Variants in CNTNAP2 observed in about 807,000 individuals in gnomAD.
The protein encoded by CNTNAP2 is contactin-associated protein-like 2.
A neutral mutation model predicts 155.2 loss-of-function variants in CNTNAP2; 98 were observed. The ratio of observed to expected loss-of-function variants is 0.63; its 90% CI spans 0.54 to 0.75. The LOEUF (loss-of-function observed/expected upper bound fraction) is 0.75, where lower values mean the gene tolerates loss of function less well. Among genes scored for constraint, CNTNAP2 ranks in the 30% least tolerant of loss-of-function variants. The pLI is 0.00. For synonymous variants in CNTNAP2, 651 were observed against 631.2 expected (o/e 1.03, Z -0.47); for missense variants, 1,727 against 1,688.1 (o/e 1.02, Z -0.40).
At chr7:146,185,038 A>T (rs977555541) in intron 1 of CNTNAP2, among the ~76,000 whole-genome samples, 3 of 152,206 alleles carry the variant, frequency 2.0e-5, no homozygotes, top group Non-Finnish European at 2.9e-5. Flanking sequence ...AACATGGGAG[A>T]TATTTTGAAT....
chr7:146,227,428 CAAAAAAAAAAA>C (rs755623604), intron 1 of CNTNAP2, among the ~76,000 whole-genome samples: 1 of 58,722 alleles, frequency 1.7e-5, no homozygotes, highest in Non-Finnish European at 3.4e-5. Context: ...CTGTCTCAAA[CAAAAAAAAAAA>C]AAAAAAAAAA....
At chr7:146,310,275 C>G (rs1284937156) in intron 1 of CNTNAP2, among the ~76,000 whole-genome samples, 2 of 152,046 alleles carry the variant, frequency 1.3e-5, no homozygotes, top group East Asian at 1.9e-4. Context: ...ATGAAATTAC[C>G]TATCATTGTT....
intron 1 of CNTNAP2, among the ~76,000 whole-genome samples, chr7:146,597,225 A>G (rs1798875503): frequency 6.6e-6 from 1 of 152,072 alleles, no homozygotes; most frequent in Non-Finnish European, 1.5e-5. Flanking sequence ...GGCATAAATC[A>G]AAATCATAGA....
At chr7:147,674,030 G>A (rs760494961) in intron 13 of CNTNAP2, among the ~76,000 whole-genome samples, 6 of 152,034 alleles carry the variant, frequency 3.9e-5, no homozygotes, top group Admixed American at 6.6e-5. Context: ...TGGCTGTTTG[G>A]GAGAGGTGTA....
intron 21 of CNTNAP2, among the ~76,000 whole-genome samples, chr7:148,350,848 C>T (rs1001946790): frequency 6.6e-6 from 1 of 152,168 alleles, no homozygotes; most frequent in African/African-American, 2.4e-5. Context: ...CAGAAGAGTC[C>T]TCTGAACTGT....
At chr7:148,388,013 A>AG (rs1799255910) in intron 22 of CNTNAP2, among the ~76,000 whole-genome samples, 1 of 152,158 alleles carries the variant, frequency 6.6e-6, no homozygotes, top group Admixed American at 6.5e-5. Flanking sequence ...GTTACCCTAT[A>AG]GGGCCTAAAA....
chr7:147,738,650 C>CTTTTTTT (rs111611444), intron 13 of CNTNAP2, among the ~76,000 whole-genome samples: 1 of 57,544 alleles, frequency 1.7e-5, no homozygotes, highest in African/African-American at 6.5e-5. Flanking sequence ...GTAAACATAA[C>CTTTTTTT]TTTTTTTTTT....
intron 11 of CNTNAP2, among the ~76,000 whole-genome samples, chr7:147,516,955 G>C (rs954156157): frequency 1.3e-5 from 2 of 148,288 alleles, no homozygotes; most frequent in East Asian, 4.1e-4. Context: ...ACTGCCTCCC[G>C]GATTCAAGCG....
chr7:146,727,727 A>G (rs948397920), intron 1 of CNTNAP2, among the ~76,000 whole-genome samples: 4 of 152,224 alleles, frequency 2.6e-5, no homozygotes, highest in African/African-American at 9.6e-5. Context: ...TCTACCCAGT[A>G]ATATTTATAG....
chr7:146,492,527 G>A (rs1797156233), intron 1 of CNTNAP2, among the ~76,000 whole-genome samples: 1 of 152,056 alleles, frequency 6.6e-6, no homozygotes, highest in Admixed American at 6.6e-5. Context: ...ATCTTCTTAA[G>A]CAGGTGTCAA....
intron 8 of CNTNAP2, among the ~76,000 whole-genome samples, chr7:147,272,315 ACT>A: frequency 6.6e-6 from 1 of 151,374 alleles, no homozygotes; most frequent in African/African-American, 2.4e-5. Flanking sequence ...AGTTTGCCAA[ACT>A]CTACTTCAGT....
chr7:148,187,436 A>T (rs1795136795), intron 18 of CNTNAP2, among the ~76,000 whole-genome samples: 1 of 152,226 alleles, frequency 6.6e-6, no homozygotes, highest in South Asian at 2.1e-4. Context: ...GATGAAATTC[A>T]TGCTTTGAAT....
At chr7:147,067,213 C>T (rs116316200) in intron 4 of CNTNAP2, among the ~76,000 whole-genome samples, 5,317 of 147,306 alleles carry the variant, frequency 0.036, 299 homozygotes, top group African/African-American at 0.13. Flanking sequence ...ATCACTGGAA[C>T]TCATGAGGCG....
intron 3 of CNTNAP2, among the ~76,000 whole-genome samples, chr7:147,031,273 A>G (rs190747536): frequency 6.6e-6 from 1 of 152,300 alleles, no homozygotes; most frequent in Non-Finnish European, 1.5e-5. Flanking sequence ...TATTTGAGTA[A>G]AATTTAAAAT....
At chr7:146,163,577 C>CTATA (rs1178679663) in intron 1 of CNTNAP2, among the ~76,000 whole-genome samples, 11 of 137,204 alleles carry the variant, frequency 8.0e-5, no homozygotes, top group African/African-American at 3.1e-4. Context: ...CTATATCTAT[C>CTATA]TATCTATCTA....
intron 9 of CNTNAP2, among the ~76,000 whole-genome samples, chr7:147,300,914 AAG>A: frequency 6.6e-6 from 1 of 152,156 alleles, no homozygotes. Context: ...AAAGGAAAGA[AAG>A]AGAGGAGGGG....
intron 1 of CNTNAP2, among the ~76,000 whole-genome samples, chr7:146,736,436 C>T (rs1801621859): frequency 6.6e-6 from 1 of 152,140 alleles, no homozygotes; most frequent in South Asian, 2.1e-4. Context: ...TGATTATTTC[C>T]TTGTGCTAAG....
chr7:148,256,724 C>A (rs904399938), intron 20 of CNTNAP2, among the ~76,000 whole-genome samples: 3 of 152,152 alleles, frequency 2.0e-5, no homozygotes, highest in Admixed American at 2.0e-4. Flanking sequence ...AGTGGATTCA[C>A]CTGGATCTCT....
chr7:147,723,085 C>CT (rs1384106851), intron 13 of CNTNAP2, among the ~76,000 whole-genome samples: 9 of 152,002 alleles, frequency 5.9e-5, no homozygotes, highest in African/African-American at 2.2e-4. Context: ...GAAGTGACTT[C>CT]TCAAACTTTC....
Sources: gnomAD v4.1 joint callset for allele counts (sites outside exome capture counted in the v4.1 genomes callset) on GRCh38, gnomAD v4.1.1 for gene constraint, MANE v1.5 for transcripts, NCBI Gene and HGNC (gene_info 2026-07-23, HGNC 2026-07-21) for gene names.